TAF4B: variants seen among roughly 807,000 people sequenced by gnomAD.
TAF4B encodes the protein transcription initiation factor TFIID subunit 4B.
A neutral mutation model predicts 86.4 loss-of-function variants in TAF4B; 38 were observed. The observed-to-expected ratio is 0.44, with a 90% CI of 0.34 to 0.58. TAF4B has a LOEUF of 0.58. Ranked by LOEUF, TAF4B falls within the 20% of genes least tolerant of loss-of-function variation. TAF4B has a pLI of 0.02. For synonymous variants in TAF4B, 388 were observed against 391.2 expected (o/e 0.99, Z 0.10); for missense variants, 988 against 1,027.6 (o/e 0.96, Z 0.53).
At chr18:26,246,919 C>T (rs900267274) in intron 1 of TAF4B, among the ~76,000 whole-genome samples, 1 of 150,796 alleles carries the variant, frequency 6.6e-6, no homozygotes, top group African/African-American at 2.4e-5. Context: ...GGCATGATTT[C>T]GCCTCACTGC....
At chr18:26,309,776 C>G (rs917118887) in intron 9 of TAF4B, among the ~76,000 whole-genome samples, 4 of 152,066 alleles carry the variant, frequency 2.6e-5, no homozygotes, top group African/African-American at 9.7e-5. Flanking sequence ...ATAAGGGGAT[C>G]AATGAATAGA....
At chr18:26,337,723 A>G (rs1791749) in intron 13 of TAF4B, among the ~76,000 whole-genome samples, 141,955 of 152,192 alleles carry the variant, frequency 0.93, 66,497 homozygotes, top group East Asian at 0.99. Flanking sequence ...GTGCCTGGCT[A>G]ACCATATCTT....
chr18:26,264,703 T>A (rs1432912748), intron 1 of TAF4B, among the ~76,000 whole-genome samples: 1 of 152,234 alleles, frequency 6.6e-6, no homozygotes, highest in Non-Finnish European at 1.5e-5. Context: ...TATTTTTCTT[T>A]CTCAAATTTT....
intron 14 of TAF4B, among the ~76,000 whole-genome samples, chr18:26,379,616 T>G (rs2057464620): frequency 6.6e-6 from 1 of 152,102 alleles, no homozygotes. Context: ...AATCAGATAG[T>G]GTGAGTGTTC....
At chr18:26,379,140 A>AT (rs1250099482) in intron 14 of TAF4B, among the ~76,000 whole-genome samples, 5 of 152,132 alleles carry the variant, frequency 3.3e-5, no homozygotes, top group Non-Finnish European at 7.4e-5. Flanking sequence ...GTACCATTTC[A>AT]TACTCCCTTT....
At chr18:26,377,314 T>TG (rs1369225078) in intron 14 of TAF4B, among the ~76,000 whole-genome samples, 9 of 152,206 alleles carry the variant, frequency 5.9e-5, no homozygotes, top group Non-Finnish European at 1.3e-4. Context: ...CTGTGCTCTT[T>TG]GGGAAAACTT....
Position 26,281,983 on chromosome 18 carries a change from G to A in TAF4B, c.895G>A (p.Glu299Lys), listed in dbSNP as rs200557912. 115 of 1,612,314 alleles carry A rather than the reference G, an allele frequency of 7.1e-5. No homozygotes were observed. Among genetic ancestry groups the A allele is most frequent in the Non-Finnish European group, 9.2e-5 (109 of 1,179,400 alleles). Residue 299 changes from glutamate to lysine, a missense_variant, in exon 6 of 15, where the codon GAA becomes AAA. Around this residue, in one of 3 missense-constraint regions of TAF4B, gnomAD observed 747 missense variants for 737.9 expected, o/e 1.01. Transcript: ENST00000269142. ...LVEQLLDAKIEAEEFTRKLYV... is the reference protein window; with the variant it reads ...LVEQLLDAKIKAEEFTRKLYV... ...TCCCATCCCTCAGGATGCAAAAATCGAAGCAGAAGAATTTACTAGGAAACT... is the reference window on the plus strand; with the variant it reads ...TCCCATCCCTCAGGATGCAAAAATCAAAGCAGAAGAATTTACTAGGAAACT...
intron 9 of TAF4B, among the ~76,000 whole-genome samples, chr18:26,297,737 T>A (rs999080055): frequency 3.3e-5 from 5 of 152,224 alleles, no homozygotes; most frequent in African/African-American, 1.2e-4. Flanking sequence ...ATGATCACTT[T>A]ATCTGTTGAT....
intron 14 of TAF4B, among the ~76,000 whole-genome samples, chr18:26,376,714 T>G (rs142946003): frequency 6.6e-6 from 1 of 152,248 alleles, no homozygotes; most frequent in African/African-American, 2.4e-5. Flanking sequence ...CAGTACTAGT[T>G]GAGTAGAAAT....
chr18:26,377,205 G>GT (rs2057448587), intron 14 of TAF4B, among the ~76,000 whole-genome samples: 2 of 152,112 alleles, frequency 1.3e-5, no homozygotes, highest in South Asian at 4.1e-4. Context: ...GGATTAGAAA[G>GT]TGTTCCCTCC....
At chr18:26,285,389 T>C (rs1174770114) in intron 6 of TAF4B, among the ~76,000 whole-genome samples, 4 of 151,734 alleles carry the variant, frequency 2.6e-5, no homozygotes, top group African/African-American at 9.7e-5. Context: ...GGTTTTGCCA[T>C]GTTGCCTAGG....
chr18:26,250,906 T>C (rs1216771080), intron 1 of TAF4B, among the ~76,000 whole-genome samples: 1 of 152,180 alleles, frequency 6.6e-6, no homozygotes, highest in East Asian at 1.9e-4. Flanking sequence ...AGATATACCA[T>C]AACTAATAGC....
chr18:26,288,550 G>A (rs2056554668), intron 7 of TAF4B, among the ~76,000 whole-genome samples: 1 of 152,124 alleles, frequency 6.6e-6, no homozygotes, highest in Non-Finnish European at 1.5e-5. Flanking sequence ...CAGGAGAATG[G>A]CTTGAACCCG....
intron 14 of TAF4B, among the ~76,000 whole-genome samples, chr18:26,382,878 A>C (rs1347953900): frequency 6.6e-6 from 1 of 152,174 alleles, no homozygotes; most frequent in Non-Finnish European, 1.5e-5. Flanking sequence ...GTACTACTAA[A>C]GTGCATAGGA....
At chr18:26,310,506 G>A (rs988680179) in intron 9 of TAF4B, among the ~76,000 whole-genome samples, 2 of 152,216 alleles carry the variant, frequency 1.3e-5, no homozygotes, top group Non-Finnish European at 2.9e-5. Flanking sequence ...GATATTGTGT[G>A]AATTTACTGG....
At chr18:26,277,600 G>A (rs2056398799) in intron 5 of TAF4B, among the ~76,000 whole-genome samples, 1 of 152,204 alleles carries the variant, frequency 6.6e-6, no homozygotes, top group East Asian at 1.9e-4. Context: ...TTTTTTGGGA[G>A]TATTTGGAGA....
chr18:26,321,269 A>T, intron 11 of TAF4B, 69 bp downstream of exon 11: 1 of 1,529,302 alleles, frequency 6.5e-7, no homozygotes, highest in Non-Finnish European at 9.0e-7. Context: ...GTGGATTGAT[A>T]TTCTAAACAC....
In TAF4B at chr18:26,343,234, T is replaced by C. The variant is rs913595223; in HGVS notation, c.2316+8003T>C. Among the ~76,000 whole-genome samples, 3 of 152,294 alleles carry C rather than the reference T, an allele frequency of 2.0e-5. No individual in the cohort carries two copies. The South Asian group carries it at 6.2e-4, about 32-fold the overall frequency. ...TGGGAAAGTGGGCTAAATCCCCAGC[T>C]TTCTGGCCAGGAGGAGCTCCAGGGA... On this transcript the variant is annotated intron_variant, in intron 13 of 14. Coordinates refer to ENST00000269142, the MANE Select transcript of TAF4B (RefSeq NM_005640.3).
chr18:26,258,568 C>T (rs182066315), intron 1 of TAF4B, among the ~76,000 whole-genome samples: 5 of 152,144 alleles, frequency 3.3e-5, no homozygotes, highest in African/African-American at 1.2e-4. Context: ...ACATAATTAC[C>T]AGTGCTCTTT....
Sources: allele counts gnomAD v4.1 joint callset (sites outside exome capture counted in the v4.1 genomes callset), GRCh38; gene constraint gnomAD v4.1.1; regional missense constraint gnomAD v4.1.1; transcripts MANE v1.5; gene names NCBI Gene and HGNC (gene_info 2026-07-23, HGNC 2026-07-21).